GNG2: variants seen among roughly 807,000 people sequenced by gnomAD.
The protein encoded by GNG2 is G protein subunit gamma 2.
In GNG2, 5 loss-of-function variants were observed where a neutral mutation model predicts 5.5. The observed-to-expected ratio is 0.91, with a 90% confidence interval of 0.48 to 1.92. The LOEUF (loss-of-function observed/expected upper bound fraction) is 1.92, where lower values mean the gene tolerates loss of function less well. Among genes scored for constraint, GNG2 ranks in the 30% most tolerant of loss-of-function variants. The probability of loss-of-function intolerance (pLI) is 0.01; values close to 1 mark genes in which losing one functional copy is unlikely to be tolerated. For synonymous variants in GNG2, 28 were observed against 32.0 expected (o/e 0.88, Z 0.42); for missense variants, 55 against 88.4 (o/e 0.62, Z 1.52).
chr14:51,915,560 A>C (rs144531438), intron 2 of GNG2, among the ~76,000 whole-genome samples: 1 of 152,334 alleles, frequency 6.6e-6, no homozygotes, highest in East Asian at 1.9e-4. Context: ...TAAATATGAT[A>C]CGTTAGAAGC....
chr14:51,835,151 C>T (rs1416531836), intron 2 of GNG2, among the ~76,000 whole-genome samples: 3 of 152,128 alleles, frequency 2.0e-5, no homozygotes, highest in Admixed American at 1.3e-4. Flanking sequence ...TTATGAATGG[C>T]CCCCAGCTCA....
At chr14:51,871,260 T>G (rs1041678596) in intron 1 of GNG2, among the ~76,000 whole-genome samples, 5 of 151,778 alleles carry the variant, frequency 3.3e-5, no homozygotes, top group African/African-American at 1.2e-4. Flanking sequence ...GGAAAAAAGT[T>G]GATATTAAAC....
At chr14:51,847,661 G>T (rs1339091463) in intron 2 of GNG2, among the ~76,000 whole-genome samples, 1 of 152,110 alleles carries the variant, frequency 6.6e-6, no homozygotes, top group East Asian at 1.9e-4. Context: ...ACCTACAGGC[G>T]GGTTGAGTTT....
chr14:51,854,793 G>A (rs748044152), intron 2 of GNG2, among the ~76,000 whole-genome samples: 6 of 152,092 alleles, frequency 3.9e-5, no homozygotes, highest in Non-Finnish European at 5.9e-5. Flanking sequence ...GATTACAGGC[G>A]TGAGCCACCG....
chr14:51,831,968 G>C (rs1881205695), intron 2 of GNG2, among the ~76,000 whole-genome samples: 1 of 152,056 alleles, frequency 6.6e-6, no homozygotes, highest in Non-Finnish European at 1.5e-5. Context: ...ATGTATCAAA[G>C]TTTTATTTTA....
At chr14:51,940,562 T>A (rs1479304560) in intron 2 of GNG2, among the ~76,000 whole-genome samples, 1 of 152,196 alleles carries the variant, frequency 6.6e-6, no homozygotes, top group African/African-American at 2.4e-5. Flanking sequence ...CAGGGCATCA[T>A]GACACCTAAA....
chr14:51,945,862 A>C (rs1215562592), intron 2 of GNG2, among the ~76,000 whole-genome samples: 1 of 151,992 alleles, frequency 6.6e-6, no homozygotes, highest in Non-Finnish European at 1.5e-5. Flanking sequence ...ACAGGTAAAC[A>C]TCGGAATGGG....
intron 3 of GNG2, 58 bp from the exon 4 acceptor site, chr14:51,966,501 T>G: frequency 6.6e-7 from 1 of 1,522,440 alleles, no homozygotes; most frequent in Non-Finnish European, 9.1e-7. Flanking sequence ...TCTAAAGCCT[T>G]GGGCCTTGAC....
intron 2 of GNG2, among the ~76,000 whole-genome samples, chr14:51,839,473 C>G (rs1777140158): frequency 6.6e-6 from 1 of 152,132 alleles, no homozygotes; most frequent in Non-Finnish European, 1.5e-5. Context: ...TAGTAGCTAT[C>G]TTTTTTGGGA....
At chr14:51,949,749 TG>T (rs1270503920) in intron 2 of GNG2, among the ~76,000 whole-genome samples, 1 of 152,118 alleles carries the variant, frequency 6.6e-6, no homozygotes, top group Admixed American at 6.5e-5. Flanking sequence ...GTTCAGAATG[TG>T]GGGGAAGTGG....
chr14:51,961,973 T>G (rs527723603), intron 3 of GNG2, among the ~76,000 whole-genome samples: 3 of 152,326 alleles, frequency 2.0e-5, no homozygotes, highest in East Asian at 3.9e-4. Flanking sequence ...AATCCACTTG[T>G]ATTTTAAAAA....
At position 51,835,396 on chromosome 14, in the gene GNG2, C is replaced by T. The variant is rs760357602; in HGVS notation, c.64+7589C>T. ...TATGTTCAGACCTCAGTTCTCCCAG[C>T]TGTCTTTAGCTGTAATGTTTCAGAG... On this transcript the variant is annotated intron_variant, in intron 2 of 3. Transcript: ENST00000553432. Among the ~76,000 whole-genome samples the T allele has an allele frequency of 7.7e-4, 117 of 152,210 alleles. 1 individual carries two copies. Among genetic ancestry groups the T allele is most frequent in the Non-Finnish European group, 6.8e-4 (46 of 68,036 alleles).
intron 2 of GNG2, among the ~76,000 whole-genome samples, chr14:51,829,800 T>C (rs1881131901): frequency 6.6e-6 from 1 of 152,010 alleles, no homozygotes; most frequent in Non-Finnish European, 1.5e-5. Flanking sequence ...TCTCAGTGTT[T>C]ATCATATTTG....
At chr14:51,909,398 T>TA (rs1331362467) in intron 2 of GNG2, among the ~76,000 whole-genome samples, 5 of 152,194 alleles carry the variant, frequency 3.3e-5, no homozygotes, top group African/African-American at 1.2e-4. Flanking sequence ...AATTATCTGC[T>TA]AAAAATGTTG....
chr14:51,853,003 C>T (rs1259529804), intron 2 of GNG2, among the ~76,000 whole-genome samples: 2 of 152,184 alleles, frequency 1.3e-5, no homozygotes, highest in Non-Finnish European at 2.9e-5. Context: ...ATCACTATCA[C>T]ATTTCCCCCC....
At chr14:51,887,594 G>T (rs1330856262) in intron 2 of GNG2, among the ~76,000 whole-genome samples, 1 of 152,204 alleles carries the variant, frequency 6.6e-6, no homozygotes, top group Non-Finnish European at 1.5e-5. Flanking sequence ...AAAATTCCCT[G>T]ACTTGGGAAG....
chr14:51,886,551 A>C (rs1280768020), intron 2 of GNG2, among the ~76,000 whole-genome samples: 4 of 152,242 alleles, frequency 2.6e-5, no homozygotes, highest in Non-Finnish European at 5.9e-5. Flanking sequence ...AGTAAAAAGA[A>C]TATTTCCAAG....
At chr14:51,926,360 AC>A (rs1887319088) in intron 2 of GNG2, among the ~76,000 whole-genome samples, 1 of 152,238 alleles carries the variant, frequency 6.6e-6, no homozygotes, top group African/African-American at 2.4e-5. Flanking sequence ...TCCCTTCTAA[AC>A]AAGTCATAGA....
chr14:51,960,614 TA>T (rs2140301692), intron 3 of GNG2, among the ~76,000 whole-genome samples: 1 of 151,954 alleles, frequency 6.6e-6, no homozygotes, highest in Non-Finnish European at 1.5e-5. Flanking sequence ...AACAATTGTT[TA>T]AAAATAACAA....
Sources: gnomAD v4.1 joint callset for allele counts (sites outside exome capture counted in the v4.1 genomes callset) on GRCh38, gnomAD v4.1.1 for gene constraint, MANE v1.5 for transcripts, NCBI Gene and HGNC (gene_info 2026-07-23, HGNC 2026-07-21) for gene names.